Variants in LRP1 observed in about 807,000 individuals in gnomAD.
LRP1 encodes the protein prolow-density lipoprotein receptor-related protein 1.
In LRP1, 51 loss-of-function variants were observed where a neutral mutation model predicts 541.5. The ratio of observed to expected loss-of-function variants is 0.09; its 90% CI spans 0.08 to 0.12. The LOEUF (loss-of-function observed/expected upper bound fraction) is 0.12, where lower values mean the gene tolerates loss of function less well. Ranked by LOEUF, LRP1 falls within the 10% of genes least tolerant of loss-of-function variation. The pLI is 1.00. For synonymous variants in LRP1, 2,219 were observed against 2,470.8 expected (o/e 0.90, Z 3.02); for missense variants, 3,878 against 6,376.2 (o/e 0.61, Z 13.34).
rs750250325 is a variant in LRP1, at chr12:57,205,488, A to G, written c.11470+3A>G. The G allele has an allele frequency of 4.3e-6, 7 of 1,610,860 alleles. No individual in the cohort carries two copies. The Admixed American group carries it at 8.3e-5, about 19-fold the overall frequency. On this transcript the variant is annotated splice_donor_region_variant and intron_variant, in intron 74 of 88. Transcript: ENST00000243077. This position sits in a 1 kb window ranked among gnomAD's most constrained non-coding sequence, Gnocchi z 4.6. ...GCCCGGCCAGCCCGGATGCCAAGGT[A>G]GGAAAGCGGGGCAGAGCAGGGGTGG... is the stretch of plus-strand genomic sequence containing the variant.
intron 52 of LRP1, 73 bp downstream of exon 52, chr12:57,195,472 G>A (rs1252896900): frequency 1.3e-6 from 2 of 1,586,002 alleles, no homozygotes; most frequent in Non-Finnish European, 1.7e-6. Flanking sequence ...GGGGAAGCCG[G>A]GGTGCAGGAG....
At position 57,161,109 on chromosome 12, in the gene LRP1, C is replaced by T. The variant is rs766768411; in HGVS notation, c.2196C>T (p.Asp732=). The T allele has an allele frequency of 3.7e-6, 6 of 1,612,652 alleles. 1 individual carries two copies. The South Asian group carries it at 6.6e-5, about 18-fold the overall frequency. ...AGACGATACTGCTCAATGGCACAGA[C>T]CGGAAGGTGGGCAGGCATGTGCCTG... ...RIETILLNGT[D]RKIVYEGPEL... The change falls in exon 13 of 89, where the codon GAC becomes GAT. Residue 732 remains aspartate, a synonymous_variant. Coordinates refer to ENST00000243077, the MANE Select transcript of LRP1 (RefSeq NM_002332.3).
At chr12:57,192,097 GCC>G (rs748798307) in intron 44 of LRP1, among the ~76,000 whole-genome samples, 9 of 16,986 alleles carry the variant, frequency 5.3e-4, no homozygotes, top group African/African-American at 7.5e-4. Context: ...CCACAAACAT[GCC>G]ACACACACAC....
intron 1 of LRP1, among the ~76,000 whole-genome samples, chr12:57,130,336 GA>G (rs1274706149): frequency 2.6e-4 from 40 of 152,088 alleles, no homozygotes; most frequent in Non-Finnish European, 1.6e-4. Context: ...TGGGGGAGGA[GA>G]CTTACAGGGT....
Position 57,173,751 on chromosome 12 carries a change from T to C in LRP1, c.3347-29T>C, listed in dbSNP as rs1592630983. ...CAGGGGGAGCCCCAGTCCCCGGGCC[T>C]GGGCCCTCATAGTGCACCTGTCCCT... On this transcript the variant is annotated intron_variant, in intron 21 of 88. Coordinates refer to ENST00000243077, the MANE Select transcript of LRP1 (RefSeq NM_002332.3). The surrounding 1 kb of genome is among the most constrained non-coding windows in gnomAD (Gnocchi z 4.7). The C allele has an allele frequency of 6.2e-7, 1 of 1,612,468 alleles. No homozygotes were observed. Among genetic ancestry groups the C allele is most frequent in the Non-Finnish European group, 8.5e-7 (1 of 1,178,528 alleles).
At chr12:57,167,163 G>A (rs1185745798) in intron 18 of LRP1, 117 bp downstream of exon 18, 1 of 793,300 alleles carries the variant, frequency 1.3e-6, no homozygotes, top group Non-Finnish European at 2.1e-6. Context: ...CCTTGAGTGA[G>A]TTAATCTCGG....
Position 57,203,470 on chromosome 12 carries a change from G to T in LRP1, c.10900G>T (p.Ala3634Ser), listed in dbSNP as rs146774492. 1.9e-6 allele frequency: 3 copies of T among 1,587,794 alleles called. No homozygotes were observed. Among genetic ancestry groups the T allele is most frequent in the African/African-American group, 1.3e-5 (1 of 74,262 alleles). Residue 3634 changes from alanine (A) to serine (S), a missense_variant, in exon 70 of 89, where the codon GCA becomes TCA. By Grantham distance (99) the Ala-to-Ser change is moderately conservative. This residue lies in a region of LRP1 where 278 missense variants were observed against 536.3 expected (regional missense o/e 0.52). Coordinates refer to ENST00000243077, the MANE Select transcript of LRP1 (RefSeq NM_002332.3). The part of the protein sequence containing the change: ...HCIPLRWRCD[A>S]DADCMDGSDE... ...CATCCCCCTGCGCTGGCGCTGTGACGCAGACGCCGACTGCATGGACGGCAG... is the reference window on the plus strand; with the variant it reads ...CATCCCCCTGCGCTGGCGCTGTGACTCAGACGCCGACTGCATGGACGGCAG...
chr12:57,150,548 A>G (rs1469062562), intron 6 of LRP1, among the ~76,000 whole-genome samples: 1 of 152,066 alleles, frequency 6.6e-6, no homozygotes. Flanking sequence ...CCGAGTCTTG[A>G]CGAGTAGTAG....
rs145515885 is a variant in LRP1, at chr12:57,210,111, G to A, written c.12522G>A (p.Gly4174=). The A allele has an allele frequency of 1.2e-5, 20 of 1,613,512 alleles. No individual in the cohort carries two copies. The highest frequency in any genetic ancestry group is 1.7e-5 in the Non-Finnish European group (20 of 1,179,788). ...PSGPVCTCPN[G]KRLDNGTCVP... is the part of the protein sequence containing the mutation. ...GGCCTGTCTGCACCTGTCCCAATGG[G>A]AAGCGGCTGGACAACGGCACATGCG... Residue 4174 remains glycine (G), a synonymous_variant, in exon 81 of 89, where the codon GGG becomes GGA. Transcript: ENST00000243077.
rs1367980566 is a variant in LRP1 at position 57,185,816 on chromosome 12, G to A, written c.6749G>A (p.Gly2250Asp). 2 of 1,614,156 alleles carry A rather than the reference G, an allele frequency of 1.2e-6. No individual in the cohort carries two copies. Among genetic ancestry groups the A allele is most frequent in the Non-Finnish European group, 1.7e-6 (2 of 1,180,032 alleles). The change falls in exon 41 of 89, where the codon GGC becomes GAC. Residue 2250 changes from glycine to aspartate, a missense_variant. This residue lies in a region of LRP1 where 1,100 missense variants were observed against 1,827.4 expected (regional missense o/e 0.60). Transcript: ENST00000243077. This position sits in a 1 kb window ranked among gnomAD's most constrained non-coding sequence, Gnocchi z 4.9. ...AFDYRAGTSP[G>D]TPNRIFFSDI... ...GACTACCGGGCAGGCACCTCTCCGG[G>A]CACCCCCAATCGCATCTTCTTCAGC...
At chr12:57,168,672 C>T (rs2035885350) in intron 19 of LRP1, among the ~76,000 whole-genome samples, 1 of 152,148 alleles carries the variant, frequency 6.6e-6, no homozygotes, top group Non-Finnish European at 1.5e-5. Flanking sequence ...TTGCCAGCCA[C>T]AGGCAGGGCC....
chr12:57,201,975 G>A lies in LRP1; in HGVS notation c.10594+70G>A, dbSNP rs1409937676. 4 of 1,591,620 alleles carry A rather than the reference G, an allele frequency of 2.5e-6. No individual in the cohort carries two copies. The highest frequency in any genetic ancestry group is 2.6e-6 in the Non-Finnish European group (3 of 1,163,498). ...GGGAGGCATGGCACCCCTGGCAGGTGGAGGGCTGGGGGCCGCCTGCTTACC... is the reference window on the plus strand; with the variant it reads ...GGGAGGCATGGCACCCCTGGCAGGTAGAGGGCTGGGGGCCGCCTGCTTACC... On this transcript the variant is annotated intron_variant, in intron 67 of 88. Coordinates refer to ENST00000243077, the MANE Select transcript of LRP1 (RefSeq NM_002332.3). The surrounding 1 kb of genome is among the most constrained non-coding windows in gnomAD (Gnocchi z 6.4).
chr12:57,143,903 TAGA>T, intron 4 of LRP1, 105 bp downstream of exon 4: 1 of 1,414,440 alleles, frequency 7.1e-7, no homozygotes, highest in Non-Finnish European at 9.4e-7. Flanking sequence ...AATAAGAAAC[TAGA>T]AGGAAGGTGC....
At chr12:57,196,913 A>T in intron 55 of LRP1, 69 bp from the exon 56 acceptor site, 1 of 1,370,006 alleles carries the variant, frequency 7.3e-7, no homozygotes, top group Non-Finnish European at 1.0e-6. Flanking sequence ...GGAGTCTCTG[A>T]GCCAGGTCTC....
Position 57,205,075 on chromosome 12 carries a change from A to G in LRP1, c.11195-34A>G. 6.3e-7 allele frequency: 1 copy of G among 1,588,372 alleles called. No homozygotes were observed. Among genetic ancestry groups the G allele is most frequent in the Non-Finnish European group, 8.6e-7 (1 of 1,164,166 alleles). On this transcript the variant is annotated intron_variant, in intron 72 of 88. Coordinates refer to ENST00000243077, the MANE Select transcript of LRP1 (RefSeq NM_002332.3). This position sits in a 1 kb window ranked among gnomAD's most constrained non-coding sequence, Gnocchi z 4.6. ...GCCGTGGGAGGAGGAGGCAGGGGAG[A>G]ATACCCAGGGCCTAAAGCCTCTGCC...
chr12:57,199,933 TC>T lies in LRP1; in HGVS notation c.9927del (p.Gly3311GlufsTer141). 1 of 1,595,192 alleles carries T rather than the reference TC, an allele frequency of 6.3e-7. No individual in the cohort carries two copies. The highest frequency in any genetic ancestry group is 8.5e-7 in the Non-Finnish European group (1 of 1,173,050). On this transcript the variant is annotated frameshift_variant, in exon 62 of 89. Transcript: ENST00000243077. LOFTEE classifies it high-confidence loss of function. ...NGGCSNLCLL[S>X]PGGGHKCACP... ...TGGCTGCAGCAACCTGTGCCTGCTG[TC>T]CCCCGGGGGAGGGCACAAATGTGCC...
chr12:57,199,199 C>G lies in LRP1; in HGVS notation c.9677-13C>G. 2 of 1,611,268 alleles carry G rather than the reference C, an allele frequency of 1.2e-6. No homozygotes were observed. Among genetic ancestry groups the G allele is most frequent in the Non-Finnish European group, 1.7e-6 (2 of 1,178,836 alleles). On this transcript the variant is annotated splice_polypyrimidine_tract_variant and intron_variant, in intron 60 of 88. Transcript: ENST00000243077. ...CGGCTGACTGGCACTGTGCCTGCCC[C>G]TTGGCCCTGCAGTGCTGAGCCAGGA...
rs758629883 is a variant in LRP1 at position 57,212,008 on chromosome 12, G to A, written c.13340G>A (p.Arg4447Gln). The change falls in exon 87 of 89, where the codon CGA becomes CAA. Residue 4447 changes from arginine (R) to glutamine (Q), a missense_variant. This residue lies in a region of LRP1 where 871 missense variants were observed against 1,212.4 expected (regional missense o/e 0.72). Coordinates refer to ENST00000243077, the MANE Select transcript of LRP1 (RefSeq NM_002332.3). This position sits in a 1 kb window ranked among gnomAD's most constrained non-coding sequence, Gnocchi z 5.0. Reference sequence around the variant, plus strand: ...GGAGTGGTATTCTGGTATAAGCGGCGAGTCCAAGGGTGAGTCACAGGGATT... The same window carrying A: ...GGAGTGGTATTCTGGTATAAGCGGCAAGTCCAAGGGTGAGTCACAGGGATT... ...VAGVVFWYKR[R>Q]VQGAKGFQHQ... 8 of 1,613,962 alleles carry A rather than the reference G, an allele frequency of 5.0e-6. No individual in the cohort carries two copies. The African/African-American group carries it at 6.7e-5, about 13-fold the overall frequency.
chr12:57,141,563 G>A (rs1446114236), intron 3 of LRP1, 52 bp downstream of exon 3: 4 of 1,610,616 alleles, frequency 2.5e-6, no homozygotes, highest in Non-Finnish European at 3.4e-6. Context: ...CATATTATCA[G>A]CCCACCTTCC....
Sources: gnomAD v4.1 joint callset for allele counts (sites outside exome capture counted in the v4.1 genomes callset) on GRCh38, gnomAD v4.1.1 for gene constraint, gnomAD v4.1.1 regional missense constraint, Gnocchi (gnomAD v3.1) non-coding constraint, MANE v1.5 for transcripts, NCBI Gene and HGNC (gene_info 2026-07-23, HGNC 2026-07-21) for gene names.